GPATCH2: variants seen among roughly 807,000 people sequenced by gnomAD.
The protein encoded by GPATCH2 is G patch domain-containing protein 2.
In GPATCH2, 51 loss-of-function variants were observed where a neutral mutation model predicts 58.0. The observed-to-expected ratio is 0.88, with a 90% CI of 0.70 to 1.11. The LOEUF is 1.11. Among genes scored for constraint, GPATCH2 ranks in the 50% most tolerant of loss-of-function variants. The pLI is 0.00. For synonymous variants in GPATCH2, 222 were observed against 218.5 expected (o/e 1.02, Z -0.14); for missense variants, 625 against 652.2 (o/e 0.96, Z 0.45).
At chr1:217,456,797 A>C (rs1186632285) in intron 8 of GPATCH2, among the ~76,000 whole-genome samples, 9 of 152,228 alleles carry the variant, frequency 5.9e-5, no homozygotes, top group Admixed American at 5.9e-4. Context: ...GGAATATTTA[A>C]AAATATGCCA....
chr1:217,457,338 A>T (rs1558405839), intron 8 of GPATCH2, among the ~76,000 whole-genome samples: 1 of 152,200 alleles, frequency 6.6e-6, no homozygotes, highest in Non-Finnish European at 1.5e-5. Context: ...TGTTACTTAC[A>T]TTCTCTTTGC....
intron 5 of GPATCH2, among the ~76,000 whole-genome samples, chr1:217,526,051 T>C (rs1248841442): frequency 6.6e-6 from 1 of 152,204 alleles, no homozygotes; most frequent in East Asian, 1.9e-4. Flanking sequence ...TTTTTCAAAG[T>C]GTTTTCATAA....
chr1:217,555,130 A>C (rs1665556245), intron 5 of GPATCH2, among the ~76,000 whole-genome samples: 1 of 152,194 alleles, frequency 6.6e-6, no homozygotes, highest in Admixed American at 6.5e-5. Flanking sequence ...GATTTCTAAA[A>C]CCAAGATTTA....
At chr1:217,432,578 T>C (rs1658594301) in intron 9 of GPATCH2, among the ~76,000 whole-genome samples, 1 of 152,170 alleles carries the variant, frequency 6.6e-6, no homozygotes, top group Non-Finnish European at 1.5e-5. Flanking sequence ...TCATTTCTGT[T>C]CCTTCTCTAG....
chr1:217,604,093 G>A (rs1389643298), intron 5 of GPATCH2, among the ~76,000 whole-genome samples: 2 of 151,880 alleles, frequency 1.3e-5, no homozygotes, highest in African/African-American at 2.4e-5. Flanking sequence ...GCTCACGACT[G>A]TAATCCTAGT....
intron 5 of GPATCH2, among the ~76,000 whole-genome samples, chr1:217,546,964 C>T (rs565973271): frequency 3.5e-4 from 54 of 152,184 alleles, no homozygotes; most frequent in African/African-American, 1.3e-3. Flanking sequence ...AAAAGACATA[C>T]ATGCAGCCAA....
rs141936355 is a variant in GPATCH2, at chr1:217,621,759, T to G, written c.57-1260A>C. Among the ~76,000 whole-genome samples the G allele has an allele frequency of 4.3e-3, 658 of 152,376 alleles. 2 individuals carry two copies. Among genetic ancestry groups the G allele is most frequent in the Non-Finnish European group, 7.2e-3 (493 of 68,036 alleles). On this transcript the variant is annotated intron_variant, in intron 1 of 9. Transcript: ENST00000366935. ...AGTTCCTTATAACAGCTTTCAACTT[T>G]TGTCGTTTCATTTTAATAACCTAAA...
At chr1:217,442,173 G>A (rs900305135) in intron 9 of GPATCH2, among the ~76,000 whole-genome samples, 2 of 152,168 alleles carry the variant, frequency 1.3e-5, no homozygotes, top group African/African-American at 4.8e-5. Flanking sequence ...TAAAAAGGAT[G>A]AGTTCATGTC....
chr1:217,455,692 GA>G (rs1396218305), intron 8 of GPATCH2, among the ~76,000 whole-genome samples: 1 of 152,098 alleles, frequency 6.6e-6, no homozygotes, highest in Non-Finnish European at 1.5e-5. Flanking sequence ...ACACTAGGTA[GA>G]AGATGGCAGT....
intron 5 of GPATCH2, among the ~76,000 whole-genome samples, chr1:217,537,208 TC>T (rs1664517675): frequency 6.9e-6 from 1 of 145,066 alleles, no homozygotes; most frequent in East Asian, 2.5e-4. Context: ...CTGAATTTCG[TC>T]AGCTTTTTGT....
intron 5 of GPATCH2, among the ~76,000 whole-genome samples, chr1:217,557,305 G>C (rs1365500939): frequency 6.6e-6 from 1 of 151,234 alleles, no homozygotes; most frequent in South Asian, 2.1e-4. Context: ...TATTCAGGTA[G>C]CTTGGGCAGG....
At chr1:217,573,308 G>T in intron 5 of GPATCH2, among the ~76,000 whole-genome samples, 1 of 151,858 alleles carries the variant, frequency 6.6e-6, no homozygotes, top group East Asian at 1.9e-4. Context: ...TGTAAAATGA[G>T]GAAAGTTGCA....
chr1:217,524,564 C>T (rs370714653), intron 5 of GPATCH2, among the ~76,000 whole-genome samples: 82 of 151,682 alleles, frequency 5.4e-4, no homozygotes, highest in African/African-American at 1.9e-3. Flanking sequence ...ACTCCAGCCT[C>T]GGCACCATTG....
At chr1:217,488,971 C>T (rs1218249259) in intron 8 of GPATCH2, among the ~76,000 whole-genome samples, 1 of 151,734 alleles carries the variant, frequency 6.6e-6, no homozygotes, top group Non-Finnish European at 1.5e-5. Flanking sequence ...TGGGCCTCTT[C>T]GAGCAGCCAA....
intron 6 of GPATCH2, among the ~76,000 whole-genome samples, chr1:217,498,970 T>G (rs573557407): frequency 7.9e-5 from 12 of 152,132 alleles, no homozygotes; most frequent in Non-Finnish European, 1.6e-4. Flanking sequence ...AGTCACTGCA[T>G]CATCAAAGCC....
chr1:217,571,573 T>C (rs1268295776), intron 5 of GPATCH2, among the ~76,000 whole-genome samples: 3 of 146,822 alleles, frequency 2.0e-5, no homozygotes, highest in Admixed American at 2.0e-4. Context: ...TGGAAAAGGG[T>C]GAAAAATAAC....
chr1:217,434,680 T>C (rs1260352382), intron 9 of GPATCH2, among the ~76,000 whole-genome samples: 1 of 152,186 alleles, frequency 6.6e-6, no homozygotes, highest in Non-Finnish European at 1.5e-5. Context: ...GTAAGGCCAA[T>C]TTAAAATATT....
intron 6 of GPATCH2, among the ~76,000 whole-genome samples, chr1:217,503,145 G>T (rs987038556): frequency 6.6e-6 from 1 of 152,090 alleles, no homozygotes; most frequent in Non-Finnish European, 1.5e-5. Flanking sequence ...AGAGACAGTG[G>T]TACCACTGAG....
At chr1:217,477,571 T>A (rs999740844) in intron 8 of GPATCH2, among the ~76,000 whole-genome samples, 1 of 152,062 alleles carries the variant, frequency 6.6e-6, no homozygotes, top group African/African-American at 2.4e-5. Context: ...AAGGGAACAT[T>A]GGCAATAGTC....
Sources: gnomAD v4.1 joint callset for allele counts (sites outside exome capture counted in the v4.1 genomes callset) on GRCh38, gnomAD v4.1.1 for gene constraint, MANE v1.5 for transcripts, NCBI Gene and HGNC (gene_info 2026-07-23, HGNC 2026-07-21) for gene names.